The following RAP1GAP variants were observed in gnomAD, a reference collection of about 807,000 sequenced individuals.
RAP1GAP encodes the protein rap1 GTPase-activating protein 1.
Under a neutral mutation model 87.2 loss-of-function variants are expected in RAP1GAP, and 35 were observed. The ratio of observed to expected loss-of-function variants is 0.40; its 90% confidence interval spans 0.31 to 0.53. RAP1GAP has a LOEUF of 0.53. RAP1GAP is among the 20% of genes least tolerant of loss of function. The probability of loss-of-function intolerance (pLI) is 0.48; values close to 1 mark genes in which losing one functional copy is unlikely to be tolerated. For synonymous variants in RAP1GAP, 375 were observed against 363.9 expected (o/e 1.03, Z -0.35); for missense variants, 734 against 898.9 (o/e 0.82, Z 2.35).
intron 19 of RAP1GAP, 66 bp from the exon 20 acceptor site, chr1:21,601,863 C>T: frequency 9.5e-6 from 11 of 1,163,174 alleles, no homozygotes; most frequent in South Asian, 1.4e-5. Context: ...TAGCGTGAGG[C>T]CCAGGCGGTG....
At chr1:21,655,669 T>G (rs928295177) in intron 1 of RAP1GAP, among the ~76,000 whole-genome samples, 2 of 152,230 alleles carry the variant, frequency 1.3e-5, no homozygotes, top group Non-Finnish European at 2.9e-5. Context: ...AGGCCCTCCC[T>G]CTGAGAGGAA....
chr1:21,640,678 C>T (rs1246640557), intron 2 of RAP1GAP, among the ~76,000 whole-genome samples: 6 of 151,846 alleles, frequency 4.0e-5, no homozygotes, highest in Non-Finnish European at 8.8e-5. Context: ...CCCTTACCCC[C>T]GACTAAAATA....
intron 18 of RAP1GAP, among the ~76,000 whole-genome samples, 182 bp downstream of exon 18, chr1:21,605,884 T>G (rs2074132105): frequency 6.6e-6 from 1 of 152,192 alleles, no homozygotes; most frequent in South Asian, 2.1e-4. Context: ...CACCGCAGTG[T>G]CCTGGCCTGG....
chr1:21,644,695 C>A (rs538711014), intron 2 of RAP1GAP, among the ~76,000 whole-genome samples: 26 of 152,010 alleles, frequency 1.7e-4, no homozygotes, highest in African/African-American at 5.8e-4. Flanking sequence ...GTCAGGAGCT[C>A]GAAACCAGCC....
chr1:21,623,464 G>A (rs2090119287), intron 3 of RAP1GAP, among the ~76,000 whole-genome samples: 1 of 152,244 alleles, frequency 6.6e-6, no homozygotes, highest in Non-Finnish European at 1.5e-5. Context: ...CTGAACTGTG[G>A]CCAAGCAGAC....
At chr1:21,619,825 T>A (rs1378409755) in intron 4 of RAP1GAP, among the ~76,000 whole-genome samples, 190 bp downstream of exon 4, 1 of 152,044 alleles carries the variant, frequency 6.6e-6, no homozygotes, top group East Asian at 1.9e-4. Flanking sequence ...GACTCCGGCA[T>A]CAGAGATGGG....
At chr1:21,661,647 G>A (rs981336993) in intron 1 of RAP1GAP, among the ~76,000 whole-genome samples, 2 of 152,176 alleles carry the variant, frequency 1.3e-5, no homozygotes, top group Admixed American at 6.5e-5. Context: ...AGTACTTACC[G>A]CATAGGATTG....
chr1:21,649,877 C>T, intron 1 of RAP1GAP, 81 bp from the exon 2 acceptor site: 4 of 1,378,992 alleles, frequency 2.9e-6, no homozygotes, highest in Non-Finnish European at 4.0e-6. Context: ...CCCACCTGCA[C>T]TGCACCACCC....
At chr1:21,637,457 C>T (rs1329198863) in intron 2 of RAP1GAP, among the ~76,000 whole-genome samples, 1 of 152,012 alleles carries the variant, frequency 6.6e-6, no homozygotes, top group East Asian at 1.9e-4. Context: ...TCCAGCCCCA[C>T]ATCTGGAATT....
intron 2 of RAP1GAP, among the ~76,000 whole-genome samples, chr1:21,636,300 C>A (rs994610780): frequency 2.6e-5 from 4 of 152,236 alleles, no homozygotes; most frequent in Admixed American, 2.6e-4. Context: ...TCAGCTTCCT[C>A]ATCTATAAAA....
chr1:21,668,081 T>C lies in RAP1GAP; in HGVS notation c.-149+1173A>G, dbSNP rs1157981735. 1.3e-5 allele frequency among the ~76,000 whole-genome samples: 2 copies of C among 152,184 alleles called. No individual in the cohort carries two copies. Among genetic ancestry groups the C allele is most frequent in the East Asian group, 1.9e-4 (1 of 5,182 alleles). On this transcript the variant is annotated intron_variant, in intron 1 of 24. Transcript: ENST00000374765. This position sits in a 1 kb window ranked among gnomAD's most constrained non-coding sequence, Gnocchi z 6.2. The stretch of plus-strand genomic sequence containing the variant: ...CATTCAGGGACACCTTTGGCCAATG[T>C]TCTGTTTCATCTGCGAGGCAACCTT...
chr1:21,599,220 C>T (rs1256577359), intron 21 of RAP1GAP, among the ~76,000 whole-genome samples: 1 of 152,160 alleles, frequency 6.6e-6, no homozygotes, highest in African/African-American at 2.4e-5. Flanking sequence ...CAACGGAGTA[C>T]AGAATGTCTG....
In RAP1GAP at chr1:21,596,318, C is replaced by G. The variant is rs1645196894; in HGVS notation, c.*981G>C. ...ATGGGTATTGGGGCCAGGAGGCTGG[C>G]CTTTGGCGTGACGCCTAAAAAGTGT... On this transcript the variant is annotated 3_prime_UTR_variant, in exon 25 of 25. Coordinates refer to ENST00000374765, the MANE Select transcript of RAP1GAP (RefSeq NM_002885.4). 1 of 152,294 alleles carries G rather than the reference C, an allele frequency of 6.6e-6. No homozygotes were observed. The highest frequency in any genetic ancestry group is 2.4e-5 in the African/African-American group (1 of 41,476). 9.4% of individuals were successfully genotyped at this position (152,294 alleles called of 1,614,324 possible).
chr1:21,650,316 G>A (rs2096461405), intron 1 of RAP1GAP, among the ~76,000 whole-genome samples: 2 of 152,206 alleles, frequency 1.3e-5, no homozygotes, highest in Non-Finnish European at 2.9e-5. Flanking sequence ...GATCTAGGAG[G>A]AGCTTCCCCC....
chr1:21,615,103 G>A lies in RAP1GAP; in HGVS notation c.292-1014C>T, dbSNP rs141504533. 6.6e-6 allele frequency among the ~76,000 whole-genome samples: 1 copy of A among 152,324 alleles called. No homozygotes were observed. Among genetic ancestry groups the A allele is most frequent in the Non-Finnish European group, 1.5e-5 (1 of 68,014 alleles). On this transcript the variant is annotated intron_variant, in intron 7 of 24. Coordinates refer to ENST00000374765, the MANE Select transcript of RAP1GAP (RefSeq NM_002885.4). This position sits in a 1 kb window ranked among gnomAD's most constrained non-coding sequence, Gnocchi z 4.5. ...ATCATCCAGCAGAGAGGGAGTGGCA[G>A]GCACTTGATAAGGAGGCCCCTGGCA...
chr1:21,666,814 G>A (rs768559132), intron 1 of RAP1GAP, among the ~76,000 whole-genome samples: 3 of 152,098 alleles, frequency 2.0e-5, no homozygotes, highest in Non-Finnish European at 4.4e-5. Flanking sequence ...TCCTGCATGC[G>A]CGTGTACCAT....
chr1:21,597,565 C>T, intron 24 of RAP1GAP, 121 bp downstream of exon 24: 2 of 1,105,560 alleles, frequency 1.8e-6, no homozygotes, highest in Non-Finnish European at 2.5e-6. Flanking sequence ...CCAGGGGGCT[C>T]AAACCCAGAT....
rs956109941 is a variant in RAP1GAP, at chr1:21,634,287, C to T, written c.-112-7890G>A. Among the ~76,000 whole-genome samples, 10 of 152,174 alleles carry T rather than the reference C, an allele frequency of 6.6e-5. No homozygotes were observed. Among genetic ancestry groups the T allele is most frequent in the African/African-American group, 2.4e-4 (10 of 41,444 alleles). ...CACGGGAGGCTCCTGTGTCCCCTTT[C>T]CCTGGGCACCGTTGACCTCTCCTAG... is the stretch of plus-strand genomic sequence containing the variant. On this transcript the variant is annotated intron_variant, in intron 2 of 24. Transcript: ENST00000374765. This position sits in a 1 kb window ranked among gnomAD's most constrained non-coding sequence, Gnocchi z 4.1.
In RAP1GAP at chr1:21,634,742, GA is replaced by G; in HGVS notation, c.-112-8346del. The G allele has an allele frequency of 2.1e-6, 1 of 471,338 alleles. No homozygotes were observed. 29.2% of individuals were successfully genotyped at this position (471,338 alleles called of 1,614,324 possible). ...TCCCTGCCCAGGGCACAGCATCTGG[GA>G]ACCAGGCCACCCATTTACCTGCTGT... On this transcript the variant is annotated intron_variant, in intron 2 of 24. Transcript: ENST00000374765. This position sits in a 1 kb window ranked among gnomAD's most constrained non-coding sequence, Gnocchi z 4.1.
Sources: allele counts gnomAD v4.1 joint callset (sites outside exome capture counted in the v4.1 genomes callset), GRCh38; gene constraint gnomAD v4.1.1; non-coding constraint Gnocchi (gnomAD v3.1); transcripts MANE v1.5; gene names NCBI Gene and HGNC (gene_info 2026-07-23, HGNC 2026-07-21).